TMEM33: variants seen among roughly 807,000 people sequenced by gnomAD.
TMEM33 encodes the protein transmembrane protein 33.
A neutral mutation model predicts 29.7 loss-of-function variants in TMEM33; 16 were observed. The ratio of observed to expected loss-of-function variants is 0.54; its 90% CI spans 0.36 to 0.82. The LOEUF is 0.82. TMEM33 is among the 40% of genes least tolerant of loss of function. TMEM33 has a pLI of 0.00. For synonymous variants in TMEM33, 112 were observed against 109.4 expected (o/e 1.02, Z -0.15); for missense variants, 252 against 295.3 (o/e 0.85, Z 1.08).
At chr4:41,946,103 A>C (rs1264871018) in intron 5 of TMEM33, among the ~76,000 whole-genome samples, 2 of 149,378 alleles carry the variant, frequency 1.3e-5, no homozygotes, top group Non-Finnish European at 3.0e-5. Context: ...TAGCCGTATA[A>C]CATTCCAACT....
chr4:41,944,724 C>T, intron 4 of TMEM33, 69 bp from the exon 5 acceptor site: 2 of 1,563,370 alleles, frequency 1.3e-6, no homozygotes, highest in South Asian at 1.2e-5. Flanking sequence ...GGCTGTTTAC[C>T]TACAGAAAGA....
rs1553910603 is a variant in TMEM33 at position 41,940,046 on chromosome 4, C to CCTTTTTTTTTTTTTTT, written c.328+663_328+664insCTTTTTTTTTTTTTTT. ...TATAGTGAACACTAGGTTAAACTTT[C>CCTTTTTTTTTTTTTTT]TTTTTTTTTTTTTTTTTTTTTTTTG... On this transcript the variant is annotated intron_variant, in intron 3 of 6. Coordinates refer to ENST00000504986, the MANE Select transcript of TMEM33 (RefSeq NM_018126.3). 1.1e-4 allele frequency among the ~76,000 whole-genome samples: 9 copies of CCTTTTTTTTTTTTTTT among 81,366 alleles called. 2 individuals are homozygous for CCTTTTTTTTTTTTTTT. Among genetic ancestry groups the CCTTTTTTTTTTTTTTT allele is most frequent in the African/African-American group, 3.9e-4 (7 of 17,888 alleles). The allele number at this position is 81,366 out of a possible 152,430, so 53.4% of individuals were successfully genotyped here. A position where few individuals can be genotyped will look rare whatever the true frequency, so the allele number is the denominator to read the frequency against.
chr4:41,948,835 A>T (rs563802340), intron 5 of TMEM33, among the ~76,000 whole-genome samples: 1 of 152,008 alleles, frequency 6.6e-6, no homozygotes, highest in African/African-American at 2.4e-5. Flanking sequence ...GGATATTGTA[A>T]TTGTGTTTTT....
In TMEM33 at chr4:41,949,343, T is replaced by A. The variant is rs1396006349; in HGVS notation, c.572T>A (p.Phe191Tyr). ...CTCCAACCTTTTATATACTATAGAT[T>A]TCTTACCCTTCGATATTCGTCTCGA... ...SLLQPFIYYR[F>Y]LTLRYSSRRN... Residue 191 changes from phenylalanine (F) to tyrosine (Y), a missense_variant, in exon 6 of 7, where the codon TTT becomes TAT. Phe to Tyr is a conservative substitution (Grantham distance 22). Transcript: ENST00000504986. 3 of 1,611,404 alleles carry A rather than the reference T, an allele frequency of 1.9e-6. No individual in the cohort carries two copies. Among genetic ancestry groups the A allele is most frequent in the Non-Finnish European group, 2.5e-6 (3 of 1,179,114 alleles).
rs572592859 is a variant in TMEM33, at chr4:41,941,797, T to A, written c.329-1950T>A. Among the ~76,000 whole-genome samples the A allele has an allele frequency of 2.5e-4, 38 of 152,348 alleles. 1 individual carries two copies. In the East Asian group the frequency reaches 7.3e-3, roughly 29 times the overall value. On this transcript the variant is annotated intron_variant, in intron 3 of 6. Transcript: ENST00000504986. Reference sequence around the variant, plus strand: ...GTAATATTACAGATTTGCGTTCTGATCCTTCTTCTTATAAAAGTGATATTT... The same window carrying A: ...GTAATATTACAGATTTGCGTTCTGAACCTTCTTCTTATAAAAGTGATATTT...
chr4:41,950,292 C>A (rs2153127726), intron 6 of TMEM33, among the ~76,000 whole-genome samples: 1 of 152,194 alleles, frequency 6.6e-6, no homozygotes, highest in South Asian at 2.1e-4. Flanking sequence ...TTAAGATAAT[C>A]TATTTTTAAG....
chr4:41,940,046 CTTTTTTTTTT>C (rs71650953), intron 3 of TMEM33, among the ~76,000 whole-genome samples: 2 of 81,366 alleles, frequency 2.5e-5, no homozygotes, highest in South Asian at 4.1e-4. Context: ...GTTAAACTTT[CTTTTTTTTTT>C]TTTTTTTTTT....
Position 41,944,881 on chromosome 4 carries a change from G to A in TMEM33, c.485G>A (p.Cys162Tyr), listed in dbSNP as rs372203207. The change falls in exon 5 of 7, where the codon TGC (cysteine) becomes TAC (tyrosine). Residue 162 changes from cysteine to tyrosine, a missense_variant. Physicochemically the swap from Cys to Tyr is radical, Grantham distance 194. Transcript: ENST00000504986. ...CAAAATATTCTGAAATTCATTGCTT[G>A]CAATGAAATATTCCTGATGCCTGCG... ...NQQNILKFIA[C>Y]NEIFLMPATV... 6.2e-7 allele frequency: 1 copy of A among 1,613,352 alleles called. No homozygotes were observed. The highest frequency in any genetic ancestry group is 8.5e-7 in the Non-Finnish European group (1 of 1,179,792).
chr4:41,943,941 T>C (rs1036940884), intron 4 of TMEM33, 127 bp downstream of exon 4: 1 of 778,890 alleles, frequency 1.3e-6, no homozygotes, highest in Non-Finnish European at 2.1e-6. Context: ...ATGAATTATT[T>C]AGTGATTTGA....
chr4:41,935,645 A>G, intron 1 of TMEM33, 116 bp downstream of exon 1: 1 of 1,064,276 alleles, frequency 9.4e-7, no homozygotes, highest in Non-Finnish European at 1.4e-6. Context: ...GGGATTAATG[A>G]GTTGGGGTGG....
intron 6 of TMEM33, among the ~76,000 whole-genome samples, chr4:41,951,607 A>G (rs182994709): frequency 6.6e-6 from 1 of 152,310 alleles, no homozygotes. Flanking sequence ...ATGTTGATGA[A>G]CTTATGTGGA....
At chr4:41,937,825 A>G (rs947770178) in intron 1 of TMEM33, among the ~76,000 whole-genome samples, 4 of 152,056 alleles carry the variant, frequency 2.6e-5, no homozygotes, top group African/African-American at 9.7e-5. Context: ...TATTGGGGGG[A>G]AAGCAGCAAA....
At chr4:41,942,183 C>T (rs937493769) in intron 3 of TMEM33, among the ~76,000 whole-genome samples, 2 of 152,132 alleles carry the variant, frequency 1.3e-5, no homozygotes, top group African/African-American at 4.8e-5. Context: ...CTTTAAGGAT[C>T]GACAGAGTTT....
At chr4:41,938,517 G>A in intron 1 of TMEM33, 85 bp from the exon 2 acceptor site, 1 of 1,223,586 alleles carries the variant, frequency 8.2e-7, no homozygotes, top group South Asian at 1.2e-5. Context: ...AAAATATTTT[G>A]AGTAGACATA....
In TMEM33 at chr4:41,943,830, C is replaced by A; in HGVS notation, c.396+16C>A. On this transcript the variant is annotated intron_variant, in intron 4 of 6. Coordinates refer to ENST00000504986, the MANE Select transcript of TMEM33 (RefSeq NM_018126.3). Reference sequence around the variant, plus strand: ...GGTCCTTGACGTAAGTAAAACTGCTCTTTGTCTGACTTCTGAATTACAGAT... The same window carrying A: ...GGTCCTTGACGTAAGTAAAACTGCTATTTGTCTGACTTCTGAATTACAGAT... 1 of 1,608,406 alleles carries A rather than the reference C, an allele frequency of 6.2e-7. No individual in the cohort carries two copies. Among genetic ancestry groups the A allele is most frequent in the South Asian group, 1.1e-5 (1 of 90,652 alleles).
At chr4:41,936,930 G>A (rs1403015687) in intron 1 of TMEM33, among the ~76,000 whole-genome samples, 2 of 152,150 alleles carry the variant, frequency 1.3e-5, no homozygotes, top group East Asian at 1.9e-4. Context: ...TTAAGGTGGT[G>A]TCCACCAGTT....
chr4:41,947,010 G>A lies in TMEM33; in HGVS notation c.530+2084G>A, dbSNP rs142686218. Among the ~76,000 whole-genome samples, 18 of 152,262 alleles carry A rather than the reference G, an allele frequency of 1.2e-4. No homozygotes were observed. In the East Asian group the frequency reaches 2.9e-3, roughly 25 times the overall value. ...CCCAGCACTTTGGGAAGCCAAAGCTGGCAGAGCATGAGGTCAAGAGATCGA... is the reference window on the plus strand; with the variant it reads ...CCCAGCACTTTGGGAAGCCAAAGCTAGCAGAGCATGAGGTCAAGAGATCGA... On this transcript the variant is annotated intron_variant, in intron 5 of 6. Coordinates refer to ENST00000504986, the MANE Select transcript of TMEM33 (RefSeq NM_018126.3).
At chr4:41,944,258 T>A in intron 4 of TMEM33, 1 of 175,666 alleles carries the variant, frequency 5.7e-6, no homozygotes, top group Non-Finnish European at 1.2e-5. Flanking sequence ...TAAACCTAAC[T>A]TGGCACCAGG....
In TMEM33 at chr4:41,944,255, A is replaced by G. The variant is rs560363769; in HGVS notation, c.396+441A>G. ...ATTGCTAGGTTGGAGCATTAAACCTAACTTGGCACCAGGCCATTTACAGCA... is the reference window on the plus strand; with the variant it reads ...ATTGCTAGGTTGGAGCATTAAACCTGACTTGGCACCAGGCCATTTACAGCA... On this transcript the variant is annotated intron_variant, in intron 4 of 6. Transcript: ENST00000504986. The G allele has an allele frequency of 2.1e-4, 37 of 175,652 alleles. 1 individual carries two copies. In the South Asian group the frequency reaches 5.1e-3, roughly 24 times the overall value. 10.9% of individuals were successfully genotyped at this position (175,652 alleles called of 1,614,324 possible). A position where few individuals can be genotyped will look rare whatever the true frequency, so the allele number is the denominator to read the frequency against.
Sources: gnomAD v4.1 joint callset for allele counts (sites outside exome capture counted in the v4.1 genomes callset) on GRCh38, gnomAD v4.1.1 for gene constraint, MANE v1.5 for transcripts, NCBI Gene and HGNC (gene_info 2026-07-23, HGNC 2026-07-21) for gene names.